SYDE2: variants seen among roughly 807,000 people sequenced by gnomAD.
The protein encoded by SYDE2 is rho GTPase-activating protein SYDE2.
Under a neutral mutation model 91.5 loss-of-function variants are expected in SYDE2, and 76 were observed. The observed-to-expected ratio is 0.83, with a 90% CI of 0.69 to 1.01. SYDE2 has a LOEUF of 1.01. Among genes scored for constraint, SYDE2 ranks in the 50% least tolerant of loss-of-function variants. The probability of loss-of-function intolerance (pLI) is 0.00; values close to 1 mark genes in which losing one functional copy is unlikely to be tolerated. For synonymous variants in SYDE2, 513 were observed against 506.4 expected (o/e 1.01, Z -0.18); for missense variants, 1,364 against 1,367.7 (o/e 1.00, Z 0.04).
chr1:85,178,833 G>A (rs1246402587), intron 3 of SYDE2, among the ~76,000 whole-genome samples: 1 of 150,878 alleles, frequency 6.6e-6, no homozygotes, highest in East Asian at 1.9e-4. Context: ...TTTTTTTTAA[G>A]TTGTCAAATT....
At chr1:85,197,629 C>A (rs2100697277) in intron 1 of SYDE2, among the ~76,000 whole-genome samples, 1 of 152,160 alleles carries the variant, frequency 6.6e-6, no homozygotes, top group East Asian at 1.9e-4. Context: ...ATGAATACAG[C>A]AAATGCTTTT....
intron 1 of SYDE2, 70 bp downstream of exon 1, chr1:85,200,182 T>G (rs1308385509): frequency 6.2e-7 from 1 of 1,606,078 alleles, no homozygotes; most frequent in East Asian, 2.2e-5. Context: ...TTCTTGGCTC[T>G]TAAGACAGAA....
chr1:85,165,167 G>A (rs1165922110), intron 5 of SYDE2, among the ~76,000 whole-genome samples: 1 of 152,080 alleles, frequency 6.6e-6, no homozygotes, highest in Non-Finnish European at 1.5e-5. Context: ...CCAGGAGATG[G>A]TGGTTGCAGT....
chr1:85,187,067 A>G (rs1306376567), intron 2 of SYDE2, among the ~76,000 whole-genome samples: 1 of 152,082 alleles, frequency 6.6e-6, no homozygotes, highest in Non-Finnish European at 1.5e-5. Flanking sequence ...CTACCATCAG[A>G]GTGAACAGGC....
Position 85,158,225 on chromosome 1 carries a change from A to G in SYDE2, c.*525T>C, listed in dbSNP as rs1212464792. The G allele has an allele frequency of 2.0e-5, 3 of 152,324 alleles. No homozygotes were observed. Among genetic ancestry groups the G allele is most frequent in the African/African-American group, 7.2e-5 (3 of 41,430 alleles). The allele number at this position is 152,324 out of a possible 1,614,324, so 9.4% of individuals were successfully genotyped here. ...AAACCCCATCTTTACTAAAAATACA[A>G]TAATTAGCTGGGCATGGTGGTGGGC... is the stretch of plus-strand genomic sequence containing the variant. On this transcript the variant is annotated 3_prime_UTR_variant, in exon 7 of 7. Coordinates refer to ENST00000341460, the MANE Select transcript of SYDE2 (RefSeq NM_032184.2).
At chr1:85,161,305 T>C (rs1657048420) in intron 6 of SYDE2, among the ~76,000 whole-genome samples, 1 of 152,194 alleles carries the variant, frequency 6.6e-6, no homozygotes, top group Non-Finnish European at 1.5e-5. Flanking sequence ...GACCTGGGAA[T>C]ATAAAGTTAA....
Position 85,169,105 on chromosome 1 carries a change from T to G in SYDE2, c.2792A>C (p.Asn931Thr). ...AGTGTACTTAGAGTCACCTGGGTCA[T>G]TCTCACAACCATTTGATGACATTTT... ...PLKMSSNGCE[N>T]DPGDSKYTVD... Residue 931 changes from asparagine to threonine, a missense_variant, in exon 5 of 7, where the codon AAT becomes ACT. Coordinates refer to ENST00000341460, the MANE Select transcript of SYDE2 (RefSeq NM_032184.2). 1 of 1,613,942 alleles carries G rather than the reference T, an allele frequency of 6.2e-7. No individual in the cohort carries two copies. The highest frequency in any genetic ancestry group is 8.5e-7 in the Non-Finnish European group (1 of 1,179,834).
At chr1:85,172,706 T>TA (rs777583095) in intron 4 of SYDE2, among the ~76,000 whole-genome samples, 30 of 151,936 alleles carry the variant, frequency 2.0e-4, no homozygotes, top group Non-Finnish European at 3.8e-4. Context: ...CAGGTCGCAG[T>TA]AAGGAAATGA....
intron 2 of SYDE2, among the ~76,000 whole-genome samples, chr1:85,186,078 G>A (rs1422843807): frequency 6.6e-6 from 1 of 151,668 alleles, no homozygotes; most frequent in Non-Finnish European, 1.5e-5. Flanking sequence ...CTTTGGTTCT[G>A]TTTATATGCT....
rs752373988 is a variant in SYDE2, at chr1:85,159,253, GAAAC to G, written c.3086-8_3086-5del. 3.9e-6 allele frequency: 3 copies of G among 775,284 alleles called. No homozygotes were observed. Among genetic ancestry groups the G allele is most frequent in the Admixed American group, 1.7e-5 (1 of 58,116 alleles). The allele number at this position is 775,284 out of a possible 1,614,324, so 48.0% of individuals were successfully genotyped here. On this transcript the variant is annotated splice_region_variant and splice_polypyrimidine_tract_variant and intron_variant, in intron 6 of 6. Transcript: ENST00000341460. ...TTTTTGACAGTTAAACGCTGCACTA[GAAAC>G]AAACAATAATTTTGCTTTAGTGACA... is the stretch of plus-strand genomic sequence containing the variant.
At chr1:85,178,337 G>C in intron 3 of SYDE2, 65 bp from the exon 4 acceptor site, 2 of 1,411,500 alleles carry the variant, frequency 1.4e-6, no homozygotes, top group Non-Finnish European at 1.9e-6. Flanking sequence ...TTGCATTATA[G>C]ATCACATGAA....
intron 1 of SYDE2, among the ~76,000 whole-genome samples, chr1:85,195,904 A>G (rs988602848): frequency 6.6e-6 from 1 of 152,116 alleles, no homozygotes; most frequent in African/African-American, 2.4e-5. Context: ...TTTCATCCTC[A>G]CAGCAACCTG....
intron 5 of SYDE2, among the ~76,000 whole-genome samples, chr1:85,167,581 G>C (rs1657336655): frequency 6.6e-6 from 1 of 152,240 alleles, no homozygotes; most frequent in Middle Eastern, 3.4e-3. Context: ...CTCCCAAGTA[G>C]CTGGGACCCT....
Position 85,190,198 on chromosome 1 carries a change from T to C in SYDE2, c.1300A>G (p.Thr434Ala). The change falls in exon 2 of 7, where the codon ACC (threonine) becomes GCC (alanine). Residue 434 changes from threonine to alanine, a missense_variant. Transcript: ENST00000341460. ...CSSEHAGDIQ[T>A]TRSNGMNPIH... The stretch of plus-strand genomic sequence containing the variant: ...GGATTCATTCCATTTGACCGTGTGG[T>C]CTGAATATCACCTGCATGTTCGGAA... 6.2e-7 allele frequency: 1 copy of C among 1,613,988 alleles called. No homozygotes were observed. The highest frequency in any genetic ancestry group is 8.5e-7 in the Non-Finnish European group (1 of 1,179,892).
intron 4 of SYDE2, among the ~76,000 whole-genome samples, chr1:85,176,441 G>A (rs1447071248): frequency 6.6e-6 from 1 of 152,150 alleles, no homozygotes; most frequent in African/African-American, 2.4e-5. Context: ...TGAAAATACA[G>A]TCATTCAGCA....
At chr1:85,177,025 C>G (rs1657726340) in intron 4 of SYDE2, among the ~76,000 whole-genome samples, 2 of 152,056 alleles carry the variant, frequency 1.3e-5, no homozygotes, top group Admixed American at 1.3e-4. Flanking sequence ...CTCATATAAT[C>G]TCTCCATAGA....
At chr1:85,186,780 A>C (rs1321630056) in intron 2 of SYDE2, among the ~76,000 whole-genome samples, 1 of 152,132 alleles carries the variant, frequency 6.6e-6, no homozygotes, top group African/African-American at 2.4e-5. Context: ...TTCCCTATTT[A>C]ATAAATGGTG....
Position 85,159,141 on chromosome 1 carries a change from C to G in SYDE2, c.3194G>C (p.Ser1065Thr), listed in dbSNP as rs768103079. The G allele has an allele frequency of 1.2e-5, 9 of 780,840 alleles. No homozygotes were observed. Among genetic ancestry groups the G allele is most frequent in the Non-Finnish European group, 1.9e-5 (8 of 417,974 alleles). The allele number at this position is 780,840 out of a possible 1,614,324, so 48.4% of individuals were successfully genotyped here. A position where few individuals can be genotyped will look rare whatever the true frequency, so the allele number is the denominator to read the frequency against. ...KKERPHMLNL[S>T]GTDSSGVLRP... ...AAGTACTCCTGATGAATCAGTACCA[C>G]TCAAATTTAACATATGAGGTCGTTC... The change falls in exon 7 of 7, where the codon AGT becomes ACT. Residue 1065 changes from serine to threonine, a missense_variant. By Grantham distance (58) the Ser-to-Thr change is moderately conservative. Transcript: ENST00000341460.
chr1:85,164,836 T>C (rs1657205168), intron 5 of SYDE2, 79 bp from the exon 6 acceptor site: 1 of 813,420 alleles, frequency 1.2e-6, no homozygotes, highest in South Asian at 4.5e-5. Flanking sequence ...GAAATACAGA[T>C]AAGCATCTTG....
Sources: allele counts gnomAD v4.1 joint callset (sites outside exome capture counted in the v4.1 genomes callset), GRCh38; gene constraint gnomAD v4.1.1; transcripts MANE v1.5; gene names NCBI Gene and HGNC (gene_info 2026-07-23, HGNC 2026-07-21).